The following ACTL6A variants were observed in gnomAD, a reference collection of about 807,000 sequenced individuals.
The protein encoded by ACTL6A is actin-like protein 6A.
ACTL6A carries 5 observed loss-of-function variants against 59.2 expected under a neutral mutation model. That is an observed-to-expected ratio of 0.08 (90% CI 0.04 to 0.18). ACTL6A has a LOEUF of 0.18. ACTL6A is among the 10% of genes least tolerant of loss of function. The pLI, the probability that ACTL6A is intolerant of heterozygous loss-of-function variation, is 1.00. For synonymous variants in ACTL6A, 154 were observed against 171.8 expected (o/e 0.90, Z 0.81); for missense variants, 285 against 526.9 (o/e 0.54, Z 4.49).
intron 12 of ACTL6A, 47 bp from the exon 13 acceptor site, chr3:179,586,499 T>C (rs1718495758): frequency 7.6e-7 from 1 of 1,322,208 alleles, no homozygotes; most frequent in East Asian, 2.7e-5. Context: ...ATTTTCTAAG[T>C]TGAGTCACAA....
intron 8 of ACTL6A, among the ~76,000 whole-genome samples, chr3:179,577,834 CT>C (rs1187707549): frequency 1.3e-5 from 2 of 148,514 alleles, no homozygotes; most frequent in Non-Finnish European, 3.0e-5. Context: ...TTTTTTTTCA[CT>C]ACATAATATT....
At chr3:179,585,070 T>C (rs1718444318) in intron 12 of ACTL6A, among the ~76,000 whole-genome samples, 1 of 152,190 alleles carries the variant, frequency 6.6e-6, no homozygotes, top group African/African-American at 2.4e-5. Context: ...ATAATACTAA[T>C]CATTAGATTG....
At chr3:179,563,537 T>C (rs1304962739) in intron 1 of ACTL6A, among the ~76,000 whole-genome samples, 1 of 152,074 alleles carries the variant, frequency 6.6e-6, no homozygotes, top group African/African-American at 2.4e-5. Context: ...ACTTGGAAGG[T>C]CCCGGCGGTT....
In ACTL6A at chr3:179,563,024, TC is replaced by T; in HGVS notation, c.-68del. The T allele has an allele frequency of 6.3e-7, 1 of 1,585,476 alleles. No individual in the cohort carries two copies. Among genetic ancestry groups the T allele is most frequent in the Non-Finnish European group, 8.6e-7 (1 of 1,166,402 alleles). On this transcript the variant is annotated 5_prime_UTR_variant, in exon 1 of 14. Transcript: ENST00000429709. ...GTCAGGGGCTATCGCTCCTCGAGAC[TC>T]GCAGTCGCGGCCACTGCAGTCACTT...
intron 1 of ACTL6A, among the ~76,000 whole-genome samples, chr3:179,563,450 G>T (rs1717732790): frequency 1.3e-5 from 2 of 152,240 alleles, no homozygotes; most frequent in Admixed American, 6.5e-5. Context: ...CCCCGGCTTG[G>T]GTGACCGCCC....
intron 4 of ACTL6A, 144 bp downstream of exon 4, chr3:179,573,613 A>C (rs1718079808): frequency 1.7e-6 from 1 of 604,426 alleles, no homozygotes; most frequent in Admixed American, 3.9e-5. Flanking sequence ...AATTAGGGAA[A>C]AGGATTAATT....
At chr3:179,565,432 ATG>A in intron 1 of ACTL6A, among the ~76,000 whole-genome samples, 1 of 136,178 alleles carries the variant, frequency 7.3e-6, no homozygotes, top group South Asian at 2.4e-4. Context: ...ACATATATAT[ATG>A]TGTGTTATAT....
chr3:179,573,691 C>T (rs1306464295), intron 4 of ACTL6A, among the ~76,000 whole-genome samples: 1 of 151,990 alleles, frequency 6.6e-6, no homozygotes. Flanking sequence ...CAACAAAACA[C>T]CCTAATGGAT....
intron 10 of ACTL6A, 28 bp from the exon 11 acceptor site, chr3:179,581,112 T>C (rs766906544): frequency 2.5e-6 from 4 of 1,609,714 alleles, no homozygotes; most frequent in Non-Finnish European, 3.4e-6. Flanking sequence ...AGAGCTTCCA[T>C]GTGACTACTT....
At position 179,576,810 on chromosome 3, in the gene ACTL6A, C is replaced by A; in HGVS notation, c.679-14C>A. 6.2e-7 allele frequency: 1 copy of A among 1,613,696 alleles called. No homozygotes were observed. The highest frequency in any genetic ancestry group is 1.1e-5 in the South Asian group (1 of 91,052). The stretch of plus-strand genomic sequence containing the variant: ...AGTGAACTCCATTAACCTAGCATCT[C>A]TTGGTACTCTCAGGAAGCTGTTCGT... On this transcript the variant is annotated splice_polypyrimidine_tract_variant and intron_variant, in intron 7 of 13. Transcript: ENST00000429709.
At position 179,570,041 on chromosome 3, in the gene ACTL6A, G is replaced by A. The variant is rs750828040; in HGVS notation, c.103-26G>A. On this transcript the variant is annotated intron_variant, in intron 2 of 13. Coordinates refer to ENST00000429709, the MANE Select transcript of ACTL6A (RefSeq NM_004301.5). The surrounding 1 kb of genome is among the most constrained non-coding windows in gnomAD (Gnocchi z 4.3). ...GCCTTCTTGATGAAAGGTGAAACTT[G>A]TATGTCATGTTTCTGACTCTTACAG... 1 of 1,605,878 alleles carries A rather than the reference G, an allele frequency of 6.2e-7. No individual in the cohort carries two copies. The highest frequency in any genetic ancestry group is 8.5e-7 in the Non-Finnish European group (1 of 1,176,038).
intron 12 of ACTL6A, 33 bp downstream of exon 12, chr3:179,583,481 C>G: frequency 1.3e-6 from 2 of 1,523,980 alleles, no homozygotes; most frequent in Non-Finnish European, 9.1e-7. Context: ...TGGTATTCTT[C>G]AGTCATATAT....
intron 3 of ACTL6A, among the ~76,000 whole-genome samples, chr3:179,572,206 A>T (rs1380628246): frequency 6.6e-6 from 1 of 152,182 alleles, no homozygotes; most frequent in Non-Finnish European, 1.5e-5. Flanking sequence ...GGTACCCTTG[A>T]AGGAGAAAGA....
At chr3:179,575,213 A>G in intron 5 of ACTL6A, 1 of 356,748 alleles carries the variant, frequency 2.8e-6, no homozygotes, top group Non-Finnish European at 5.5e-6. Flanking sequence ...CCTTTATTTT[A>G]CTTTCAGACC....
intron 3 of ACTL6A, among the ~76,000 whole-genome samples, chr3:179,572,304 C>T (rs992305387): frequency 1.5e-4 from 22 of 151,526 alleles, no homozygotes; most frequent in Non-Finnish European, 2.6e-4. Context: ...CAGTTATTCT[C>T]GGTGTTTTCT....
At chr3:179,586,804 T>A in intron 13 of ACTL6A, 172 bp downstream of exon 13, 1 of 563,218 alleles carries the variant, frequency 1.8e-6, no homozygotes, top group Non-Finnish European at 3.0e-6. Context: ...ACAAAATGCC[T>A]CTGCCTAATT....
At chr3:179,586,718 AT>A in intron 13 of ACTL6A, 86 bp downstream of exon 13, 1 of 1,113,774 alleles carries the variant, frequency 9.0e-7, no homozygotes, top group South Asian at 1.5e-5. Context: ...CCAGTGCTTC[AT>A]TTGTCTGTGC....
intron 1 of ACTL6A, among the ~76,000 whole-genome samples, chr3:179,564,092 G>A (rs1717758498): frequency 6.6e-6 from 1 of 152,204 alleles, no homozygotes; most frequent in Admixed American, 6.5e-5. Context: ...AAGCCTGTTA[G>A]AAATGCAGGA....
chr3:179,576,452 G>C (rs756679524), intron 6 of ACTL6A, 141 bp downstream of exon 6: 3 of 771,542 alleles, frequency 3.9e-6, no homozygotes, highest in African/African-American at 3.5e-5. Flanking sequence ...AAAATCTTTA[G>C]TATATAATGT....
Sources: allele counts gnomAD v4.1 joint callset (sites outside exome capture counted in the v4.1 genomes callset), GRCh38; gene constraint gnomAD v4.1.1; non-coding constraint Gnocchi (gnomAD v3.1); transcripts MANE v1.5; gene names NCBI Gene and HGNC (gene_info 2026-07-23, HGNC 2026-07-21).